Variants in CCDC81 observed in about 807,000 individuals in gnomAD.
CCDC81 encodes coiled-coil domain-containing protein 81.
Under a neutral mutation model 83.7 loss-of-function variants are expected in CCDC81, and 79 were observed. The ratio of observed to expected loss-of-function variants is 0.94; its 90% confidence interval spans 0.79 to 1.14. The LOEUF (loss-of-function observed/expected upper bound fraction) is 1.14, where lower values mean the gene tolerates loss of function less well. Ranked by LOEUF, CCDC81 falls within the 50% of genes most tolerant of loss-of-function variation. The pLI is 0.00. For missense variants in CCDC81, 791 were observed against 778.1 expected (o/e 1.02, Z -0.20); for synonymous variants, 252 against 278.1 (o/e 0.91, Z 0.93).
intron 7 of CCDC81, among the ~76,000 whole-genome samples, chr11:86,402,592 A>G (rs1260445069): frequency 6.6e-6 from 1 of 152,206 alleles, no homozygotes; most frequent in African/African-American, 2.4e-5. Flanking sequence ...CCTTGCATAC[A>G]ACTGGATATT....
At chr11:86,390,389 C>A (rs759085568) in intron 3 of CCDC81, among the ~76,000 whole-genome samples, 2 of 152,006 alleles carry the variant, frequency 1.3e-5, no homozygotes, top group Non-Finnish European at 2.9e-5. Flanking sequence ...TGGAGGCAGG[C>A]AGAGGAAGAT....
intron 4 of CCDC81, chr11:86,395,127 G>C (rs1489926112): frequency 7.2e-6 from 3 of 417,180 alleles, no homozygotes; most frequent in Non-Finnish European, 1.3e-5. Flanking sequence ...AACACCGAAA[G>C]AATTGCTGTG....
In CCDC81 at chr11:86,397,756, T is replaced by G. The variant is rs1373620802; in HGVS notation, c.757+14T>G. ...AAGGCACCAGAGGTAGGCCAATGAT[T>G]TCTGGGTCCAATCTGTCACTCTTTA... On this transcript the variant is annotated intron_variant, in intron 6 of 14. Transcript: ENST00000445632. The G allele has an allele frequency of 1.9e-6, 3 of 1,609,182 alleles. No homozygotes were observed. Among genetic ancestry groups the G allele is most frequent in the Non-Finnish European group, 2.5e-6 (3 of 1,177,986 alleles).
rs569243494 is a variant in CCDC81, at chr11:86,381,267, G to A, written c.80-4784G>A. Among the ~76,000 whole-genome samples the A allele has an allele frequency of 8.5e-5, 13 of 152,294 alleles. No homozygotes were observed. The South Asian group carries it at 2.3e-3, about 27-fold the overall frequency. ...TTAGGCTCTGATAATATCCCAGCAG[G>A]TTAGGCTCTGGTGAACTAGTTTCTT... On this transcript the variant is annotated intron_variant, in intron 1 of 14. Coordinates refer to ENST00000445632, the MANE Select transcript of CCDC81 (RefSeq NM_001156474.2).
At chr11:86,412,225 A>G (rs1243974501) in intron 10 of CCDC81, among the ~76,000 whole-genome samples, 162 bp from the exon 11 acceptor site, 3 of 152,194 alleles carry the variant, frequency 2.0e-5, no homozygotes, top group Admixed American at 2.0e-4. Context: ...GAACACACTC[A>G]TATGATTCTA....
intron 3 of CCDC81, among the ~76,000 whole-genome samples, chr11:86,389,049 G>A (rs1367964144): frequency 6.6e-6 from 1 of 152,030 alleles, no homozygotes; most frequent in Admixed American, 6.6e-5. Flanking sequence ...CCAGAATTTT[G>A]GAGGCTAAGG....
chr11:86,397,808 AGCCC>A (rs1948429501), intron 6 of CCDC81, 66 bp downstream of exon 6: 1 of 1,520,854 alleles, frequency 6.6e-7, no homozygotes, highest in East Asian at 2.3e-5. Context: ...CATATTGCTT[AGCCC>A]AAGGTAAATA....
At chr11:86,400,904 G>A (rs974253897) in intron 7 of CCDC81, 103 bp downstream of exon 7, 1 of 1,249,236 alleles carries the variant, frequency 8.0e-7, no homozygotes, top group African/African-American at 1.5e-5. Flanking sequence ...CATTTATCCA[G>A]TGTTCTTTAG....
At chr11:86,404,647 T>C (rs1401237661) in intron 7 of CCDC81, among the ~76,000 whole-genome samples, 3 of 152,184 alleles carry the variant, frequency 2.0e-5, no homozygotes, top group Non-Finnish European at 4.4e-5. Context: ...GGATCCTGAA[T>C]ATTATAAAAT....
chr11:86,378,363 T>C (rs1204512871), intron 1 of CCDC81, among the ~76,000 whole-genome samples: 2 of 152,204 alleles, frequency 1.3e-5, no homozygotes, highest in African/African-American at 2.4e-5. Context: ...CTTTTCTATT[T>C]GTTAAGGTGT....
intron 8 of CCDC81, 86 bp downstream of exon 8, chr11:86,407,787 T>C (rs537986379): frequency 2.0e-6 from 2 of 1,013,150 alleles, no homozygotes; most frequent in Non-Finnish European, 3.0e-6. Flanking sequence ...TCTCTCTTCC[T>C]TAATTATATG....
chr11:86,381,576 G>C (rs968446086), intron 1 of CCDC81, among the ~76,000 whole-genome samples: 2 of 152,164 alleles, frequency 1.3e-5, no homozygotes, highest in Admixed American at 1.3e-4. Flanking sequence ...ATTGGTTCTT[G>C]ATGCTGTTTC....
intron 3 of CCDC81, among the ~76,000 whole-genome samples, chr11:86,392,320 T>C (rs924204090): frequency 3.9e-5 from 6 of 152,254 alleles, no homozygotes; most frequent in African/African-American, 1.2e-4. Context: ...ATTTTGAGCA[T>C]TGAACCTTAT....
chr11:86,408,177 C>T lies in CCDC81; in HGVS notation c.1020C>T (p.Tyr340=), dbSNP rs1948588637. 7 of 1,613,922 alleles carry T rather than the reference C, an allele frequency of 4.3e-6. No homozygotes were observed. Among genetic ancestry groups the T allele is most frequent in the Non-Finnish European group, 5.9e-6 (7 of 1,179,956 alleles). The change falls in exon 9 of 15, where the codon TAC becomes TAT. Residue 340 remains tyrosine (Y), a synonymous_variant. Transcript: ENST00000445632. The part of the protein sequence containing the change: ...LQRAQRNSLL[Y]YSEERRREIE... ...GAGCACAACGAAATTCCCTGTTGTA[C>T]TACAGTGAGGAAAGGAGGAGAGAGA... is the stretch of plus-strand genomic sequence containing the variant.
chr11:86,380,186 C>A (rs1409666532), intron 1 of CCDC81, among the ~76,000 whole-genome samples: 3 of 151,980 alleles, frequency 2.0e-5, no homozygotes, highest in African/African-American at 7.2e-5. Flanking sequence ...AAAATAATTT[C>A]TCCTTTGCTT....
chr11:86,407,176 C>G (rs1948576442), intron 7 of CCDC81, among the ~76,000 whole-genome samples: 1 of 152,212 alleles, frequency 6.6e-6, no homozygotes, highest in African/African-American at 2.4e-5. Context: ...ATAGAGTGCA[C>G]TTATTTATCT....
At chr11:86,411,534 GCTCA>G (rs1442617815) in intron 10 of CCDC81, among the ~76,000 whole-genome samples, 3 of 152,290 alleles carry the variant, frequency 2.0e-5, no homozygotes, top group African/African-American at 7.2e-5. Flanking sequence ...CTCTGTTGTT[GCTCA>G]CTGTTGGATC....
intron 3 of CCDC81, among the ~76,000 whole-genome samples, chr11:86,388,105 T>C (rs1948270680): frequency 6.6e-6 from 1 of 152,206 alleles, no homozygotes; most frequent in African/African-American, 2.4e-5. Flanking sequence ...ATTTAAAAGT[T>C]AGAAGTTGAA....
chr11:86,389,541 G>A (rs997952325), intron 3 of CCDC81, among the ~76,000 whole-genome samples: 5 of 152,236 alleles, frequency 3.3e-5, no homozygotes, highest in East Asian at 3.9e-4. Flanking sequence ...TTACCATGGC[G>A]GAGCAGGAGA....
Sources: allele counts gnomAD v4.1 joint callset (sites outside exome capture counted in the v4.1 genomes callset), GRCh38; gene constraint gnomAD v4.1.1; transcripts MANE v1.5; gene names NCBI Gene and HGNC (gene_info 2026-07-23, HGNC 2026-07-21).